Variants in BICC1 observed in about 807,000 individuals in gnomAD.
BICC1 encodes protein bicaudal C homolog 1.
Under a neutral mutation model 111.0 loss-of-function variants are expected in BICC1, and 43 were observed. The ratio of observed to expected loss-of-function variants is 0.39; its 90% CI spans 0.30 to 0.50. The LOEUF is 0.50. Among genes scored for constraint, BICC1 ranks in the 20% least tolerant of loss-of-function variants. The pLI, the probability that BICC1 is intolerant of heterozygous loss-of-function variation, is 0.88. For synonymous variants in BICC1, 467 were observed against 434.4 expected (o/e 1.07, Z -0.93); for missense variants, 1,091 against 1,203.2 (o/e 0.91, Z 1.38).
chr10:58,602,880 T>A (rs530630814), intron 1 of BICC1, among the ~76,000 whole-genome samples: 25 of 152,318 alleles, frequency 1.6e-4, no homozygotes, highest in African/African-American at 6.0e-4. Flanking sequence ...TTTGTTTGCA[T>A]GTCCACACTT....
At chr10:58,559,000 A>T (rs545577179) in intron 1 of BICC1, among the ~76,000 whole-genome samples, 1 of 152,014 alleles carries the variant, frequency 6.6e-6, no homozygotes, top group South Asian at 2.1e-4. Flanking sequence ...TTTTGAGATG[A>T]TACAAATATT....
At chr10:58,634,530 A>G (rs926470726) in intron 2 of BICC1, among the ~76,000 whole-genome samples, 3 of 152,232 alleles carry the variant, frequency 2.0e-5, no homozygotes, top group African/African-American at 7.2e-5. Context: ...AAAGCTCCTC[A>G]GGTGACATTA....
intron 1 of BICC1, among the ~76,000 whole-genome samples, chr10:58,593,731 A>G (rs534001011): frequency 6.6e-6 from 1 of 152,244 alleles, no homozygotes; most frequent in East Asian, 1.9e-4. Flanking sequence ...CACCAACACC[A>G]AACACCAAAG....
chr10:58,806,693 A>G (rs1843719486), intron 16 of BICC1, 70 bp downstream of exon 16: 2 of 1,310,218 alleles, frequency 1.5e-6, no homozygotes. Context: ...TTGAGTACTC[A>G]TGGTGAATCG....
At chr10:58,814,115 T>A in intron 18 of BICC1, 129 bp downstream of exon 18, 1 of 1,055,866 alleles carries the variant, frequency 9.5e-7, no homozygotes, top group Non-Finnish European at 1.5e-6. Flanking sequence ...CCATCTCCTC[T>A]GTGAAGCCTC....
At chr10:58,817,433 A>G in intron 18 of BICC1, 129 bp from the exon 19 acceptor site, 1 of 994,464 alleles carries the variant, frequency 1.0e-6, no homozygotes. Flanking sequence ...GGATTGCTGT[A>G]TTTCTACAGC....
chr10:58,687,200 C>A (rs1421443306), intron 2 of BICC1, among the ~76,000 whole-genome samples: 1 of 152,226 alleles, frequency 6.6e-6, no homozygotes, highest in East Asian at 1.9e-4. Context: ...TATTGCTGAA[C>A]AGCAAATGTT....
chr10:58,651,226 A>T (rs1185589834), intron 2 of BICC1, among the ~76,000 whole-genome samples: 2 of 152,090 alleles, frequency 1.3e-5, no homozygotes, highest in African/African-American at 4.8e-5. Flanking sequence ...GCACAGTGAG[A>T]TGGGTTGTCT....
chr10:58,646,322 G>A (rs904571388), intron 2 of BICC1, among the ~76,000 whole-genome samples: 1 of 152,158 alleles, frequency 6.6e-6, no homozygotes, highest in Non-Finnish European at 1.5e-5. Context: ...CATAGAGTAA[G>A]CATGCACAGC....
chr10:58,688,392 G>A (rs1030582025), intron 2 of BICC1, among the ~76,000 whole-genome samples: 1 of 151,940 alleles, frequency 6.6e-6, no homozygotes. Flanking sequence ...TGATTGGTGT[G>A]TTTACAAACC....
At chr10:58,548,573 A>G (rs575991454) in intron 1 of BICC1, among the ~76,000 whole-genome samples, 1 of 152,312 alleles carries the variant, frequency 6.6e-6, no homozygotes, top group South Asian at 2.1e-4. Flanking sequence ...TGTATCCCCC[A>G]TTAGAATATC....
Position 58,729,640 on chromosome 10 carries a change from A to G in BICC1, c.307+27497A>G, listed in dbSNP as rs549551061. Among the ~76,000 whole-genome samples, 13 of 152,346 alleles carry G rather than the reference A, an allele frequency of 8.5e-5. No individual in the cohort carries two copies. In the East Asian group the frequency reaches 2.5e-3, roughly 29 times the overall value. On this transcript the variant is annotated intron_variant, in intron 3 of 20. Coordinates refer to ENST00000373886, the MANE Select transcript of BICC1 (RefSeq NM_001080512.3). ...CAGGTTTTACAGAAGGTATGGTGGC[A>G]TCTCCTTCTGGGGAGGCCTCAGGGA...
At chr10:58,605,497 G>A (rs1163239026) in intron 1 of BICC1, among the ~76,000 whole-genome samples, 2 of 152,300 alleles carry the variant, frequency 1.3e-5, no homozygotes, top group Non-Finnish European at 2.9e-5. Flanking sequence ...TCAATATTCA[G>A]TGTGTATATT....
At chr10:58,675,245 T>G (rs1361870071) in intron 2 of BICC1, among the ~76,000 whole-genome samples, 1 of 152,088 alleles carries the variant, frequency 6.6e-6, no homozygotes, top group Non-Finnish European at 1.5e-5. Context: ...AGACCTGGTT[T>G]GGAAGGAGTA....
At chr10:58,746,376 A>G (rs944146181) in intron 3 of BICC1, among the ~76,000 whole-genome samples, 4 of 152,188 alleles carry the variant, frequency 2.6e-5, no homozygotes, top group African/African-American at 9.6e-5. Flanking sequence ...TTGGAGAACT[A>G]AAGCAGCTCA....
intron 13 of BICC1, 106 bp from the exon 14 acceptor site, chr10:58,800,784 C>T: frequency 3.6e-6 from 4 of 1,125,054 alleles, no homozygotes; most frequent in Non-Finnish European, 4.9e-6. Context: ...TCAGGTTAAT[C>T]ATGTCTCCAT....
intron 1 of BICC1, among the ~76,000 whole-genome samples, chr10:58,588,483 A>G (rs1187641691): frequency 2.0e-5 from 3 of 152,170 alleles, no homozygotes; most frequent in Non-Finnish European, 4.4e-5. Flanking sequence ...CTGCTTCTGC[A>G]TTTCATACTT....
intron 2 of BICC1, among the ~76,000 whole-genome samples, chr10:58,653,565 A>C (rs4376853): frequency 0.98 from 148,543 of 152,248 alleles, 72,568 homozygotes; most frequent in East Asian, 1. Flanking sequence ...GTTTGGACTC[A>C]AAATAGTTCA....
At chr10:58,577,127 C>A (rs939654125) in intron 1 of BICC1, among the ~76,000 whole-genome samples, 3 of 152,194 alleles carry the variant, frequency 2.0e-5, no homozygotes, top group Non-Finnish European at 4.4e-5. Flanking sequence ...GTGATCCTCA[C>A]AGTCAGTGCT....
Sources: gnomAD v4.1 joint callset for allele counts (sites outside exome capture counted in the v4.1 genomes callset) on GRCh38, gnomAD v4.1.1 for gene constraint, MANE v1.5 for transcripts, NCBI Gene and HGNC (gene_info 2026-07-23, HGNC 2026-07-21) for gene names.